Variants in CLEC2A observed in about 807,000 individuals in gnomAD.
CLEC2A encodes C-type lectin domain family 2 member A.
Under a neutral mutation model 18.6 loss-of-function variants are expected in CLEC2A, and 19 were observed. The observed-to-expected ratio is 1.02, with a 90% CI of 0.71 to 1.50. The LOEUF is 1.50. Among genes scored for constraint, CLEC2A ranks in the 40% most tolerant of loss-of-function variants. CLEC2A has a pLI of 0.00. For synonymous variants in CLEC2A, 74 were observed against 64.0 expected (o/e 1.16, Z -0.75); for missense variants, 190 against 207.9 (o/e 0.91, Z 0.53).
downstream of CLEC2A, among the ~76,000 whole-genome samples, chr12:9,910,396 G>T (rs1862967294): frequency 6.6e-6 from 1 of 152,016 alleles, no homozygotes; most frequent in Non-Finnish European, 1.5e-5. Context: ...CCCCTCTATT[G>T]GAGGTTTCTA....
chr12:9,928,176 A>T (rs1863310054), intron 1 of CLEC2A, among the ~76,000 whole-genome samples: 1 of 152,164 alleles, frequency 6.6e-6, no homozygotes, highest in South Asian at 2.1e-4. Context: ...ATTTAATTGA[A>T]ATTTAAGGGC....
the CLEC2A span, chr12:9,884,976 T>C: frequency 7.4e-7 from 1 of 1,349,260 alleles, no homozygotes; most frequent in Non-Finnish European, 9.6e-7. Flanking sequence ...CTGCTCATAT[T>C]TGGATGCATT....
At chr12:9,931,616 A>G (rs1863377150) in intron 1 of CLEC2A, among the ~76,000 whole-genome samples, 1 of 152,212 alleles carries the variant, frequency 6.6e-6, no homozygotes, top group African/African-American at 2.4e-5. Context: ...CTGGGAATTC[A>G]TATCAGTAAA....
At chr12:9,884,129 T>G in the CLEC2A span, among the ~76,000 whole-genome samples, 1 of 152,218 alleles carries the variant, frequency 6.6e-6, no homozygotes, top group South Asian at 2.1e-4. Flanking sequence ...TACATCCAAT[T>G]TATTCAAAAG....
downstream of CLEC2A, among the ~76,000 whole-genome samples, chr12:9,894,713 T>C (rs1031573035): frequency 9.2e-5 from 14 of 152,200 alleles, no homozygotes; most frequent in Non-Finnish European, 1.6e-4. Context: ...CAGATATTTA[T>C]CTACTCCTGG....
the CLEC2A span, among the ~76,000 whole-genome samples, chr12:9,891,855 G>T: frequency 6.6e-6 from 1 of 151,930 alleles, no homozygotes; most frequent in East Asian, 1.9e-4. Flanking sequence ...ATTTCTAAAA[G>T]TAATTTTTAA....
At chr12:9,887,189 C>G in the CLEC2A span, among the ~76,000 whole-genome samples, 1 of 151,564 alleles carries the variant, frequency 6.6e-6, no homozygotes, top group Non-Finnish European at 1.5e-5. Context: ...AGAGTAAAAG[C>G]AAAACCAAAA....
downstream of CLEC2A, among the ~76,000 whole-genome samples, chr12:9,911,130 A>T (rs1311545894): frequency 6.6e-6 from 1 of 152,144 alleles, no homozygotes; most frequent in Non-Finnish European, 1.5e-5. Flanking sequence ...ACTAGTCCTG[A>T]TTGGCTAAAC....
At chr12:9,905,814 C>A (rs1001571552) in intron 4 of CLEC2A, among the ~76,000 whole-genome samples, 2 of 152,212 alleles carry the variant, frequency 1.3e-5, no homozygotes, top group African/African-American at 4.8e-5. Context: ...ATAATATTTT[C>A]AGTTAATGCC....
the CLEC2A span, among the ~76,000 whole-genome samples, chr12:9,882,532 C>T: frequency 6.6e-6 from 1 of 152,118 alleles, no homozygotes; most frequent in Admixed American, 6.5e-5. Flanking sequence ...AATCCCAGCA[C>T]TTTGGGATGC....
intron 4 of CLEC2A, among the ~76,000 whole-genome samples, chr12:9,902,620 C>T (rs1210987812): frequency 7.3e-5 from 11 of 149,968 alleles, no homozygotes; most frequent in East Asian, 2.0e-4. Flanking sequence ...TTTGTTCTTT[C>T]GCTCTTTGCA....
the CLEC2A span, among the ~76,000 whole-genome samples, chr12:9,890,418 C>T: frequency 1.3e-5 from 2 of 152,158 alleles, no homozygotes; most frequent in Non-Finnish European, 2.9e-5. Flanking sequence ...CTTCCAAGCT[C>T]TCTCTTACGG....
chr12:9,906,077 G>T (rs1490133665), intron 4 of CLEC2A, among the ~76,000 whole-genome samples: 1 of 150,494 alleles, frequency 6.6e-6, no homozygotes. Flanking sequence ...TTTGGCTAGG[G>T]TATAAATTCC....
chr12:9,897,551 C>T (rs145484317), downstream of CLEC2A, among the ~76,000 whole-genome samples: 3,042 of 150,266 alleles, frequency 0.02, 47 homozygotes, highest in Middle Eastern at 0.044. Flanking sequence ...CAAAAGAAAA[C>T]GCTCAGTATA....
At chr12:9,892,776 G>T in the CLEC2A span, among the ~76,000 whole-genome samples, 12 of 151,274 alleles carry the variant, frequency 7.9e-5, no homozygotes, top group African/African-American at 2.4e-5. Context: ...TAGAGACAGG[G>T]TTTCTCCATG....
chr12:9,906,302 AG>A (rs943702276), intron 4 of CLEC2A, among the ~76,000 whole-genome samples: 2 of 152,136 alleles, frequency 1.3e-5, no homozygotes, highest in African/African-American at 4.8e-5. Flanking sequence ...AGGGGGAGGA[AG>A]ACAAGGGGTT....
At chr12:9,878,118 G>GA in the CLEC2A span, among the ~76,000 whole-genome samples, 76,964 of 149,694 alleles carry the variant, frequency 0.51, 21,189 homozygotes, top group Non-Finnish European at 0.63. Context: ...GACCCTGTCT[G>GA]AAAAAAAAAA....
chr12:9,917,409 TAGG>T (rs1863090551), intron 3 of CLEC2A, among the ~76,000 whole-genome samples: 1 of 152,198 alleles, frequency 6.6e-6, no homozygotes, highest in Non-Finnish European at 1.5e-5. Flanking sequence ...TTGAGATCAA[TAGG>T]AGAGGACTGG....
At chr12:9,928,717 C>T (rs1219761990) in intron 1 of CLEC2A, among the ~76,000 whole-genome samples, 3 of 152,048 alleles carry the variant, frequency 2.0e-5, no homozygotes, top group Non-Finnish European at 2.9e-5. Flanking sequence ...GAAGAATACA[C>T]GCAAGTGAGC....
Sources: gnomAD v4.1 joint callset for allele counts (sites outside exome capture counted in the v4.1 genomes callset) on GRCh38, gnomAD v4.1.1 for gene constraint, MANE v1.5 for transcripts, NCBI Gene and HGNC (gene_info 2026-07-23, HGNC 2026-07-21) for gene names.